The following FSTL5 variants were observed in gnomAD, a reference collection of about 807,000 sequenced individuals.
The protein encoded by FSTL5 is follistatin like 5.
In FSTL5, 62 loss-of-function variants were observed where a neutral mutation model predicts 89.1. The ratio of observed to expected loss-of-function variants is 0.70; its 90% CI spans 0.57 to 0.86. FSTL5 has a LOEUF of 0.86. Ranked by LOEUF, FSTL5 falls within the 40% of genes least tolerant of loss-of-function variation. The pLI is 0.00. For missense variants in FSTL5, 1,057 were observed against 1,001.6 expected, an observed-to-expected ratio of 1.06 and a Z score of -0.75; for synonymous variants, 383 against 346.2, an observed-to-expected ratio of 1.11 and a Z score of -1.18.
At chr4:161,605,598 A>G (rs964690124) in intron 7 of FSTL5, among the ~76,000 whole-genome samples, 1 of 152,094 alleles carries the variant, frequency 6.6e-6, no homozygotes, top group Admixed American at 6.5e-5. Context: ...ATTTTATGGT[A>G]AAAAAACGAA....
intron 6 of FSTL5, among the ~76,000 whole-genome samples, chr4:161,730,492 A>G (rs1001808497): frequency 5.9e-5 from 9 of 152,132 alleles, no homozygotes; most frequent in African/African-American, 1.2e-4. Context: ...TGTTTACTAT[A>G]TACTTTAATG....
At chr4:162,102,584 A>T (rs1406791804) in intron 2 of FSTL5, among the ~76,000 whole-genome samples, 2 of 146,370 alleles carry the variant, frequency 1.4e-5, no homozygotes. Flanking sequence ...TATATATATA[A>T]AATAGATATA....
At chr4:161,539,791 T>C (rs1288052889) in intron 9 of FSTL5, among the ~76,000 whole-genome samples, 1 of 152,128 alleles carries the variant, frequency 6.6e-6, no homozygotes, top group Admixed American at 6.5e-5. Context: ...AGATATGGTC[T>C]GTGGGTCTTA....
intron 7 of FSTL5, among the ~76,000 whole-genome samples, chr4:161,650,576 G>A (rs1047606884): frequency 2.6e-5 from 4 of 151,902 alleles, no homozygotes; most frequent in African/African-American, 9.7e-5. Flanking sequence ...ATTTGGTATC[G>A]AACATGATCA....
At chr4:161,764,625 C>T (rs1166450222) in intron 5 of FSTL5, among the ~76,000 whole-genome samples, 1 of 147,234 alleles carries the variant, frequency 6.8e-6, no homozygotes, top group Non-Finnish European at 1.5e-5. Flanking sequence ...CCTAAAGTGC[C>T]TAATATAACA....
chr4:161,395,052 C>T (rs1240887245), intron 15 of FSTL5, among the ~76,000 whole-genome samples: 2 of 151,996 alleles, frequency 1.3e-5, no homozygotes. Context: ...AAATAACAAA[C>T]AGATTCTAGA....
At chr4:161,701,430 A>G (rs1477391649) in intron 6 of FSTL5, among the ~76,000 whole-genome samples, 1 of 152,164 alleles carries the variant, frequency 6.6e-6, no homozygotes, top group Non-Finnish European at 1.5e-5. Flanking sequence ...AGGTTAAAAC[A>G]TCTTCCCAAA....
intron 15 of FSTL5, among the ~76,000 whole-genome samples, chr4:161,417,887 G>T (rs928288665): frequency 6.6e-6 from 1 of 152,196 alleles, no homozygotes; most frequent in African/African-American, 2.4e-5. Context: ...ATTGGAAAAT[G>T]AACAATTTAC....
At chr4:161,959,158 G>T (rs988488138) in intron 3 of FSTL5, among the ~76,000 whole-genome samples, 43 of 152,044 alleles carry the variant, frequency 2.8e-4, no homozygotes, top group African/African-American at 1.0e-3. Flanking sequence ...TTGGTTAGGA[G>T]AAAGAATATA....
chr4:161,899,121 G>A (rs1196497368), intron 4 of FSTL5, among the ~76,000 whole-genome samples: 1 of 152,090 alleles, frequency 6.6e-6, no homozygotes, highest in Non-Finnish European at 1.5e-5. Context: ...ATAGGCAAAG[G>A]AATAGGAATG....
At chr4:161,473,775 A>G (rs767812728) in intron 13 of FSTL5, among the ~76,000 whole-genome samples, 1 of 151,814 alleles carries the variant, frequency 6.6e-6, no homozygotes, top group Non-Finnish European at 1.5e-5. Context: ...TAGTATAGTT[A>G]CCTCTCCGTT....
intron 1 of FSTL5, among the ~76,000 whole-genome samples, chr4:162,120,766 C>T (rs1226336000): frequency 1.3e-5 from 2 of 151,916 alleles, no homozygotes; most frequent in Non-Finnish European, 2.9e-5. Context: ...TACAGCATAC[C>T]TGACTATAAC....
intron 10 of FSTL5, among the ~76,000 whole-genome samples, chr4:161,517,372 C>T (rs1730878376): frequency 6.6e-6 from 1 of 152,180 alleles, no homozygotes; most frequent in Non-Finnish European, 1.5e-5. Flanking sequence ...TTATAAACCA[C>T]TTAATTTAAT....
intron 6 of FSTL5, among the ~76,000 whole-genome samples, chr4:161,690,960 T>C (rs1737921656): frequency 6.6e-6 from 1 of 152,208 alleles, no homozygotes. Context: ...GCTACATTCA[T>C]GTCCCTGCAA....
At chr4:162,081,458 G>T (rs922509852) in intron 2 of FSTL5, among the ~76,000 whole-genome samples, 12 of 151,472 alleles carry the variant, frequency 7.9e-5, no homozygotes, top group African/African-American at 2.9e-4. Flanking sequence ...AGTGAGCAAA[G>T]CCCTGATAAA....
chr4:161,472,121 T>A (rs1029449341), intron 13 of FSTL5, among the ~76,000 whole-genome samples: 1 of 151,796 alleles, frequency 6.6e-6, no homozygotes, highest in Admixed American at 6.6e-5. Flanking sequence ...GGACTACAGG[T>A]GCTGGCCACC....
chr4:161,435,448 G>A (rs1732525370), intron 15 of FSTL5, among the ~76,000 whole-genome samples: 1 of 151,856 alleles, frequency 6.6e-6, no homozygotes, highest in Non-Finnish European at 1.5e-5. Context: ...GAGGGGAAGA[G>A]GGAGAAGTGG....
intron 15 of FSTL5, chr4:161,388,210 C>T (rs1322235740): frequency 1.3e-5 from 2 of 151,978 alleles, no homozygotes; most frequent in African/African-American, 4.8e-5. Flanking sequence ...AGCTTATTTG[C>T]TAACTGTTTA....
chr4:161,828,668 G>T (rs996200556), intron 4 of FSTL5, among the ~76,000 whole-genome samples: 11 of 149,982 alleles, frequency 7.3e-5, no homozygotes, highest in African/African-American at 2.5e-4. Flanking sequence ...TTTTCCTCTG[G>T]GGATTGAGTC....
Sources: gnomAD v4.1 joint callset for allele counts (sites outside exome capture counted in the v4.1 genomes callset) on GRCh38, gnomAD v4.1.1 for gene constraint, MANE v1.5 for transcripts, NCBI Gene and HGNC (gene_info 2026-07-23, HGNC 2026-07-21) for gene names.